Variants in SDC2 observed in about 807,000 individuals in gnomAD.
SDC2 encodes the protein syndecan 2.
A neutral mutation model predicts 22.2 loss-of-function variants in SDC2; 13 were observed. The ratio of observed to expected loss-of-function variants is 0.59; its 90% CI spans 0.38 to 0.93. The LOEUF is 0.93. Ranked by LOEUF, SDC2 falls within the 40% of genes least tolerant of loss-of-function variation. The probability of loss-of-function intolerance (pLI) is 0.00; values close to 1 mark genes in which losing one functional copy is unlikely to be tolerated. For missense variants in SDC2, 235 were observed against 246.8 expected (o/e 0.95, Z 0.32); for synonymous variants, 94 against 92.8 (o/e 1.01, Z -0.07).
intron 1 of SDC2, among the ~76,000 whole-genome samples, chr8:96,576,520 T>A (rs2651468): frequency 1.1e-5 from 1 of 91,866 alleles, no homozygotes; most frequent in African/African-American, 3.4e-5. Context: ...CCCGGATTCA[T>A]GCCATTCTCC....
intron 1 of SDC2, among the ~76,000 whole-genome samples, chr8:96,510,600 T>C (rs974516413): frequency 3.3e-5 from 5 of 152,196 alleles, no homozygotes; most frequent in African/African-American, 7.2e-5. Flanking sequence ...CTTTTAAAAA[T>C]TGCTCTGCAG....
intron 1 of SDC2, among the ~76,000 whole-genome samples, chr8:96,555,042 A>G (rs772244906): frequency 2.1e-4 from 32 of 151,162 alleles, no homozygotes; most frequent in Non-Finnish European, 4.0e-4. Flanking sequence ...CACCTTCCCC[A>G]CTGTATACTC....
chr8:96,555,123 C>G (rs986501325), intron 1 of SDC2, among the ~76,000 whole-genome samples: 1 of 152,012 alleles, frequency 6.6e-6, no homozygotes, highest in Non-Finnish European at 1.5e-5. Context: ...ACTTGAGTGG[C>G]TTTGTCCTTA....
At chr8:96,598,405 C>T (rs1336409475) in intron 2 of SDC2, among the ~76,000 whole-genome samples, 1 of 151,990 alleles carries the variant, frequency 6.6e-6, no homozygotes, top group African/African-American at 2.4e-5. Context: ...GTGGATCACT[C>T]GAGGTCAGGA....
intron 1 of SDC2, among the ~76,000 whole-genome samples, chr8:96,562,046 T>C (rs1007710413): frequency 6.6e-6 from 1 of 152,228 alleles, no homozygotes; most frequent in African/African-American, 2.4e-5. Flanking sequence ...GTGTTTGGTG[T>C]TGCATTTCAA....
chr8:96,518,552 G>T (rs543343924), intron 1 of SDC2, among the ~76,000 whole-genome samples: 69 of 152,102 alleles, frequency 4.5e-4, no homozygotes, highest in African/African-American at 1.6e-3. Flanking sequence ...GTAGAGACAG[G>T]TTTCACCATG....
intron 1 of SDC2, among the ~76,000 whole-genome samples, chr8:96,518,002 T>G (rs1226652857): frequency 6.6e-6 from 1 of 152,078 alleles, no homozygotes; most frequent in Non-Finnish European, 1.5e-5. Context: ...TTGCTGTTGG[T>G]TTTTTTCTTT....
intron 1 of SDC2, among the ~76,000 whole-genome samples, chr8:96,572,685 T>C (rs1814416393): frequency 6.6e-6 from 1 of 152,212 alleles, no homozygotes; most frequent in Non-Finnish European, 1.5e-5. Flanking sequence ...CCACAATTTC[T>C]AGATTTCCAC....
intron 1 of SDC2, among the ~76,000 whole-genome samples, chr8:96,527,511 G>A (rs1033237862): frequency 1.8e-4 from 27 of 152,150 alleles, no homozygotes; most frequent in Non-Finnish European, 2.6e-4. Context: ...CCCCAGTGCC[G>A]TACTGCTGTG....
intron 1 of SDC2, among the ~76,000 whole-genome samples, chr8:96,530,604 G>A (rs1813645684): frequency 6.6e-6 from 1 of 152,124 alleles, no homozygotes; most frequent in Non-Finnish European, 1.5e-5. Context: ...ATTGCACTCT[G>A]GCCTGGGAGA....
chr8:96,519,287 C>G (rs1441329872), intron 1 of SDC2, among the ~76,000 whole-genome samples: 1 of 152,102 alleles, frequency 6.6e-6, no homozygotes, highest in Non-Finnish European at 1.5e-5. Context: ...CCCTGCCCCT[C>G]CCCCCACACT....
intron 1 of SDC2, among the ~76,000 whole-genome samples, chr8:96,499,136 G>A (rs1323537585): frequency 6.6e-6 from 1 of 152,160 alleles, no homozygotes; most frequent in Non-Finnish European, 1.5e-5. Flanking sequence ...TCACTATCAT[G>A]AACACTCCCT....
chr8:96,536,543 A>G (rs5019523), intron 1 of SDC2, among the ~76,000 whole-genome samples: 86,529 of 151,240 alleles, frequency 0.57, 26,293 homozygotes, highest in Non-Finnish European at 0.7. Flanking sequence ...GCCAATCTCC[A>G]ACTCCTGGAC....
intron 1 of SDC2, among the ~76,000 whole-genome samples, chr8:96,587,824 T>TTTA (rs1158081348): frequency 6.6e-5 from 10 of 152,180 alleles, no homozygotes; most frequent in Admixed American, 3.9e-4. Flanking sequence ...TCCCCAGTCC[T>TTTA]TTATTATTAT....
At position 96,562,964 on chromosome 8, in the gene SDC2, G is replaced by A. The variant is rs367940115; in HGVS notation, c.61-30516G>A. Among the ~76,000 whole-genome samples the A allele has an allele frequency of 4.0e-4, 61 of 151,378 alleles. 2 individuals carry two copies. The South Asian group carries it at 9.0e-3, about 22-fold the overall frequency. On this transcript the variant is annotated intron_variant, in intron 1 of 4. Coordinates refer to ENST00000302190, the MANE Select transcript of SDC2 (RefSeq NM_002998.4). ...TCCTGACAATATTTCCTAACTTTTC[G>A]CCTTCAGACTATCATTTTGACGCAC...
At chr8:96,531,923 C>T (rs1442348224) in intron 1 of SDC2, among the ~76,000 whole-genome samples, 1 of 152,206 alleles carries the variant, frequency 6.6e-6, no homozygotes, top group South Asian at 2.1e-4. Flanking sequence ...CAATTCAGGA[C>T]AGTTTATGGC....
intron 1 of SDC2, 79 bp downstream of exon 1, chr8:96,494,410 G>T: frequency 7.2e-7 from 1 of 1,385,200 alleles, no homozygotes; most frequent in Non-Finnish European, 9.7e-7. Flanking sequence ...GAATAGGGGA[G>T]CGCCACCTGG....
At chr8:96,592,966 T>C (rs1382005237) in intron 1 of SDC2, among the ~76,000 whole-genome samples, 1 of 152,232 alleles carries the variant, frequency 6.6e-6, no homozygotes, top group Non-Finnish European at 1.5e-5. Context: ...TGGGGATCTC[T>C]CATCTGTAGC....
intron 2 of SDC2, among the ~76,000 whole-genome samples, chr8:96,597,884 T>G (rs1814906572): frequency 6.6e-6 from 1 of 152,286 alleles, no homozygotes; most frequent in Non-Finnish European, 1.5e-5. Context: ...GATAGGCTAA[T>G]TGTATTTATT....
Sources: gnomAD v4.1 joint callset for allele counts (sites outside exome capture counted in the v4.1 genomes callset) on GRCh38, gnomAD v4.1.1 for gene constraint, MANE v1.5 for transcripts, NCBI Gene and HGNC (gene_info 2026-07-23, HGNC 2026-07-21) for gene names.